DNAJC6: variants seen among roughly 807,000 people sequenced by gnomAD.
DNAJC6 encodes the protein auxilin.
A neutral mutation model predicts 110.0 loss-of-function variants in DNAJC6; 34 were observed. The ratio of observed to expected loss-of-function variants is 0.31; its 90% CI spans 0.24 to 0.41. The LOEUF is 0.41. DNAJC6 is among the 10% of genes least tolerant of loss of function. The pLI is 1.00. For missense variants in DNAJC6, 1,031 were observed against 1,207.8 expected, an observed-to-expected ratio of 0.85 and a Z score of 2.17; for synonymous variants, 406 against 437.2, an observed-to-expected ratio of 0.93 and a Z score of 0.89.
At chr1:65,331,581 C>G (rs1331699539) in intron 1 of DNAJC6, among the ~76,000 whole-genome samples, 4 of 152,210 alleles carry the variant, frequency 2.6e-5, no homozygotes, top group Non-Finnish European at 5.9e-5. Flanking sequence ...TCATTGCCCA[C>G]TCAGTTTGAT....
chr1:65,343,919 T>G (rs1005940241), intron 1 of DNAJC6, among the ~76,000 whole-genome samples: 1 of 152,182 alleles, frequency 6.6e-6, no homozygotes, highest in African/African-American at 2.4e-5. Context: ...TGGAAAAGGC[T>G]TCAGTTTGTG....
chr1:65,369,256 G>A (rs1645683154), intron 4 of DNAJC6, among the ~76,000 whole-genome samples: 1 of 152,098 alleles, frequency 6.6e-6, no homozygotes, highest in Non-Finnish European at 1.5e-5. Flanking sequence ...TGCATCTTAG[G>A]GAGGCAGTCC....
At chr1:65,351,695 A>G (rs2101520673) in intron 1 of DNAJC6, among the ~76,000 whole-genome samples, 1 of 152,352 alleles carries the variant, frequency 6.6e-6, no homozygotes, top group Admixed American at 6.5e-5. Flanking sequence ...ACCACACCAT[A>G]GCAGAATCAT....
chr1:65,290,865 A>T (rs1644868267), intron 1 of DNAJC6, among the ~76,000 whole-genome samples: 2 of 152,214 alleles, frequency 1.3e-5, no homozygotes, highest in African/African-American at 4.8e-5. Context: ...GACAGTAAGG[A>T]ATTATTAATT....
chr1:65,384,985 G>T (rs761750526), intron 6 of DNAJC6, among the ~76,000 whole-genome samples: 1 of 152,176 alleles, frequency 6.6e-6, no homozygotes. Flanking sequence ...GTTGTGATTT[G>T]CCTCAGGTCT....
At chr1:65,266,044 G>T (rs1020657278) in intron 1 of DNAJC6, among the ~76,000 whole-genome samples, 4 of 152,252 alleles carry the variant, frequency 2.6e-5, no homozygotes, top group African/African-American at 7.2e-5. Flanking sequence ...GTGCGCAGGT[G>T]GGGGCTGGCA....
chr1:65,347,631 T>C (rs1289733533), intron 1 of DNAJC6, among the ~76,000 whole-genome samples: 1 of 152,136 alleles, frequency 6.6e-6, no homozygotes, highest in Non-Finnish European at 1.5e-5. Context: ...GAATGAAACC[T>C]TTTTTCATAA....
intron 1 of DNAJC6, among the ~76,000 whole-genome samples, chr1:65,296,071 T>C (rs1427382054): frequency 2.0e-5 from 3 of 152,220 alleles, no homozygotes; most frequent in Non-Finnish European, 4.4e-5. Context: ...TTTTGAAAAC[T>C]TCTTATTTTT....
rs549186637 is a variant in DNAJC6 at position 65,364,176 on chromosome 1, A to G, written c.194-459A>G. ...CCACACCAAACAGGTAAAAAGGAGC[A>G]GGTGAAATTGATTTTACAGCTATAA... On this transcript the variant is annotated intron_variant, in intron 1 of 18. Transcript: ENST00000371069. 3.3e-5 allele frequency among the ~76,000 whole-genome samples: 5 copies of G among 152,354 alleles called. No homozygotes were observed. In the East Asian group the frequency reaches 9.6e-4, roughly 29 times the overall value.
At chr1:65,311,326 G>A (rs567430026) in intron 1 of DNAJC6, among the ~76,000 whole-genome samples, 1 of 140,032 alleles carries the variant, frequency 7.1e-6, no homozygotes, top group African/African-American at 2.6e-5. Flanking sequence ...CCGGGTTCAA[G>A]CGATTCTCCT....
Position 65,294,716 on chromosome 1 carries a change from A to C in DNAJC6, c.-131+29784A>C, listed in dbSNP as rs545303449. Among the ~76,000 whole-genome samples, 468 of 152,348 alleles carry C rather than the reference A, an allele frequency of 3.1e-3. 10 individuals carry two copies. Among genetic ancestry groups the C allele is most frequent in the Admixed American group, 0.028 (434 of 15,296 alleles). ...CATTGAGTTAAATAAAGTGTTATTA[A>C]AATTAATTCACTTGTTTATTTTTTA... is the stretch of plus-strand genomic sequence containing the variant. On this transcript the variant is annotated intron_variant, in intron 1 of 19. Coordinates refer to the DNAJC6 transcript ENST00000263441.
intron 1 of DNAJC6, among the ~76,000 whole-genome samples, chr1:65,289,706 A>C (rs1255987680): frequency 2.0e-5 from 3 of 152,134 alleles, no homozygotes; most frequent in African/African-American, 7.2e-5. Flanking sequence ...TGTTTAAGCT[A>C]TCTGGTCTAT....
At chr1:65,293,469 A>G (rs1387520572) in intron 1 of DNAJC6, among the ~76,000 whole-genome samples, 1 of 152,160 alleles carries the variant, frequency 6.6e-6, no homozygotes, top group Non-Finnish European at 1.5e-5. Flanking sequence ...TTAGGCCTTC[A>G]ACATAGGAAT....
chr1:65,414,669 C>A lies in DNAJC6; in HGVS notation c.*1644C>A, dbSNP rs1372083058. Reference sequence around the variant, plus strand: ...CAATGTGAAACTCGAAGAAAATGTTCTCTTTTTAAATATACAGTCATAAAC... The same window carrying A: ...CAATGTGAAACTCGAAGAAAATGTTATCTTTTTAAATATACAGTCATAAAC... On this transcript the variant is annotated 3_prime_UTR_variant, in exon 19 of 19. Transcript: ENST00000371069. 3 of 152,592 alleles carry A rather than the reference C, an allele frequency of 2.0e-5. No individual in the cohort carries two copies. The highest frequency in any genetic ancestry group is 2.9e-5 in the Non-Finnish European group (2 of 68,028). 9.5% of individuals were successfully genotyped at this position (152,592 alleles called of 1,614,324 possible).
rs762524849 is a variant in DNAJC6, at chr1:65,393,980, CAG to C, written c.1904-917_1904-916del. Among the ~76,000 whole-genome samples the C allele has an allele frequency of 4.6e-5, 7 of 152,316 alleles. No individual in the cohort carries two copies. The East Asian group carries it at 9.6e-4, about 21-fold the overall frequency. On this transcript the variant is annotated intron_variant, in intron 12 of 18. Coordinates refer to ENST00000371069, the MANE Select transcript of DNAJC6 (RefSeq NM_001256864.2). The stretch of plus-strand genomic sequence containing the variant: ...TATTGGTGGACCCAGGATGTGAACT[CAG>C]GTGCCCTGAATCCTATGCCAATGCT...
chr1:65,291,771 A>C (rs1644877386), intron 1 of DNAJC6, among the ~76,000 whole-genome samples: 1 of 152,192 alleles, frequency 6.6e-6, no homozygotes, highest in South Asian at 2.1e-4. Flanking sequence ...AAGCAATATT[A>C]GAAAAGTTTG....
At chr1:65,349,471 G>A (rs12092795) in intron 1 of DNAJC6, among the ~76,000 whole-genome samples, 108,556 of 151,872 alleles carry the variant, frequency 0.71, 39,954 homozygotes, top group African/African-American at 0.9. Context: ...TGCCCTTAAG[G>A]CTGAAGAACT....
intron 13 of DNAJC6, among the ~76,000 whole-genome samples, chr1:65,396,255 G>A (rs188007525): frequency 6.6e-6 from 1 of 152,266 alleles, no homozygotes; most frequent in Admixed American, 6.5e-5. Flanking sequence ...TTGACTACCT[G>A]TAGGAGAAAA....
intron 1 of DNAJC6, among the ~76,000 whole-genome samples, chr1:65,361,366 A>T (rs914726154): frequency 6.6e-6 from 1 of 152,324 alleles, no homozygotes; most frequent in Admixed American, 6.5e-5. Flanking sequence ...TAGATGTCTA[A>T]TGGTGACTTA....
Sources: gnomAD v4.1 joint callset for allele counts (sites outside exome capture counted in the v4.1 genomes callset) on GRCh38, gnomAD v4.1.1 for gene constraint, MANE v1.5 for transcripts, NCBI Gene and HGNC (gene_info 2026-07-23, HGNC 2026-07-21) for gene names.